RPS6KC1: variants seen among roughly 807,000 people sequenced by gnomAD.
RPS6KC1 encodes the protein ribosomal protein S6 kinase C1, also known as inactive ribosomal protein S6 kinase delta-1.
A neutral mutation model predicts 103.8 loss-of-function variants in RPS6KC1; 54 were observed. The observed-to-expected ratio is 0.52, with a 90% CI of 0.42 to 0.65. RPS6KC1 has a LOEUF of 0.65. Among genes scored for constraint, RPS6KC1 ranks in the 30% least tolerant of loss-of-function variants. RPS6KC1 has a pLI of 0.00. For missense variants in RPS6KC1, 1,151 were observed against 1,253.8 expected, an observed-to-expected ratio of 0.92 and a Z score of 1.24; for synonymous variants, 439 against 438.7, an observed-to-expected ratio of 1.00 and a Z score of -0.01.
chr1:213,786,113 A>G, the RPS6KC1 span, among the ~76,000 whole-genome samples: 3 of 152,182 alleles, frequency 2.0e-5, no homozygotes, highest in Admixed American at 6.5e-5. Context: ...GGAGGGAAGA[A>G]TAGAAAGGAA....
At chr1:213,309,276 C>T in the RPS6KC1 span, among the ~76,000 whole-genome samples, 1 of 152,180 alleles carries the variant, frequency 6.6e-6, no homozygotes, top group Non-Finnish European at 1.5e-5. Flanking sequence ...GCCTGGGTGA[C>T]AGAGTGAGAC....
the RPS6KC1 span, among the ~76,000 whole-genome samples, chr1:213,321,272 A>G: frequency 6.6e-6 from 1 of 152,148 alleles, no homozygotes; most frequent in Non-Finnish European, 1.5e-5. Context: ...TTTGCTCTGA[A>G]TCATCTGAGA....
chr1:213,475,662 T>C, the RPS6KC1 span, among the ~76,000 whole-genome samples: 1 of 147,588 alleles, frequency 6.8e-6, no homozygotes, highest in Non-Finnish European at 1.5e-5. Flanking sequence ...CACGAGGCCA[T>C]GAAAGTTCAG....
chr1:213,771,117 T>G, the RPS6KC1 span, among the ~76,000 whole-genome samples: 2 of 128,058 alleles, frequency 1.6e-5, no homozygotes, highest in East Asian at 6.0e-4. Flanking sequence ...AGTCTCCTTC[T>G]CTCTCCTTTG....
At chr1:213,861,705 C>CA in the RPS6KC1 span, among the ~76,000 whole-genome samples, 30 of 152,312 alleles carry the variant, frequency 2.0e-4, no homozygotes, top group African/African-American at 7.2e-4. Context: ...CCTTTGGCTC[C>CA]ACTGTTTTTC....
At chr1:213,575,592 C>T in the RPS6KC1 span, among the ~76,000 whole-genome samples, 3 of 152,176 alleles carry the variant, frequency 2.0e-5, no homozygotes, top group Non-Finnish European at 2.9e-5. Flanking sequence ...GTTTGCTTCC[C>T]CTTCTGCCAT....
At chr1:213,309,768 T>A in the RPS6KC1 span, among the ~76,000 whole-genome samples, 1 of 151,164 alleles carries the variant, frequency 6.6e-6, no homozygotes, top group Admixed American at 6.6e-5. Context: ...CACTGCAACC[T>A]CTGCCTCCCG....
At chr1:213,824,888 G>C in the RPS6KC1 span, among the ~76,000 whole-genome samples, 1 of 152,144 alleles carries the variant, frequency 6.6e-6, no homozygotes, top group African/African-American at 2.4e-5. Flanking sequence ...ATTGATGCCC[G>C]CCTCCTGCAA....
the RPS6KC1 span, among the ~76,000 whole-genome samples, chr1:213,517,207 A>T: frequency 1.3e-5 from 2 of 152,016 alleles, no homozygotes; most frequent in South Asian, 2.1e-4. Context: ...TTTTTGAAGC[A>T]TTTTTTGTGT....
the RPS6KC1 span, among the ~76,000 whole-genome samples, chr1:213,826,743 C>T: frequency 2.6e-5 from 4 of 152,168 alleles, no homozygotes; most frequent in Non-Finnish European, 5.9e-5. Context: ...CATTTATTAA[C>T]TCTTTTAATC....
chr1:213,069,008 T>C (rs1164551347), intron 1 of RPS6KC1, among the ~76,000 whole-genome samples: 1 of 151,838 alleles, frequency 6.6e-6, no homozygotes, highest in Admixed American at 6.6e-5. Flanking sequence ...CAGTGAGCTA[T>C]GATCATGCCA....
In RPS6KC1 at chr1:213,241,681, G is replaced by T. The variant is rs769183528; in HGVS notation, c.2205G>T (p.Arg735Ser). ...LLEAPDVLCLRLSTEQCQAHE... is the reference protein window; with the variant it reads ...LLEAPDVLCLSLSTEQCQAHE... ...AAGCCCCTGATGTTTTATGCCTCAG[G>T]CTTAGTACTGAACAATGCCAAGCAC... is the stretch of plus-strand genomic sequence containing the variant. Residue 735 changes from arginine to serine, a missense_variant, in exon 11 of 15, where the codon AGG (arginine) becomes AGT (serine). Coordinates refer to ENST00000366960, the MANE Select transcript of RPS6KC1 (RefSeq NM_012424.6). 6.2e-7 allele frequency: 1 copy of T among 1,613,898 alleles called. No individual in the cohort carries two copies. Among genetic ancestry groups the T allele is most frequent in the East Asian group, 2.2e-5 (1 of 44,854 alleles).
At chr1:213,681,318 C>T in the RPS6KC1 span, among the ~76,000 whole-genome samples, 12 of 152,212 alleles carry the variant, frequency 7.9e-5, no homozygotes, top group Non-Finnish European at 1.8e-4. Flanking sequence ...AGGTAGAAAA[C>T]AGCCTTTCCT....
intron 5 of RPS6KC1, among the ~76,000 whole-genome samples, chr1:213,126,643 G>C (rs2085022728): frequency 6.6e-6 from 1 of 152,082 alleles, no homozygotes; most frequent in African/African-American, 2.4e-5. Flanking sequence ...TGTATGGCCT[G>C]AAAACTAAGA....
intron 12 of RPS6KC1, among the ~76,000 whole-genome samples, chr1:213,253,360 GTAAATGTGGAATATCAGATTTCCTTAT>G (rs1043880359): frequency 6.6e-6 from 1 of 152,162 alleles, no homozygotes; most frequent in Non-Finnish European, 1.5e-5. Flanking sequence ...ACACATATCT[GTAAATGTGGAATATCAGATTTCCTTAT>G]TAAGCATTTT....
chr1:213,579,641 A>G, the RPS6KC1 span, among the ~76,000 whole-genome samples: 3 of 152,052 alleles, frequency 2.0e-5, no homozygotes, highest in Non-Finnish European at 2.9e-5. Flanking sequence ...GCCTCCAAAT[A>G]TTAAAGCACA....
chr1:213,143,856 T>C (rs1206911479), intron 6 of RPS6KC1, among the ~76,000 whole-genome samples: 1 of 142,244 alleles, frequency 7.0e-6, no homozygotes, highest in African/African-American at 2.6e-5. Flanking sequence ...AAACTGCACA[T>C]AAAAATAACT....
At chr1:213,198,408 A>G (rs904129016) in intron 8 of RPS6KC1, among the ~76,000 whole-genome samples, 3 of 152,204 alleles carry the variant, frequency 2.0e-5, no homozygotes, top group African/African-American at 4.8e-5. Context: ...TTGACTTTAG[A>G]TAACCTGATG....
the RPS6KC1 span, among the ~76,000 whole-genome samples, chr1:213,749,714 T>C: frequency 6.6e-6 from 1 of 152,212 alleles, no homozygotes; most frequent in Admixed American, 6.5e-5. Context: ...TGGTGTCTAT[T>C]GTGGCAGCTA....
Sources: gnomAD v4.1 joint callset for allele counts (sites outside exome capture counted in the v4.1 genomes callset) on GRCh38, gnomAD v4.1.1 for gene constraint, MANE v1.5 for transcripts, NCBI Gene and HGNC (gene_info 2026-07-23, HGNC 2026-07-21) for gene names.